MYT1L: variants seen among roughly 807,000 people sequenced by gnomAD.
MYT1L encodes the protein myelin transcription factor 1 like, also known as myelin transcription factor 1-like protein.
A neutral mutation model predicts 126.7 loss-of-function variants in MYT1L; 12 were observed. The observed-to-expected ratio is 0.09, with a 90% CI of 0.06 to 0.15. The LOEUF is 0.15. Among genes scored for constraint, MYT1L ranks in the 10% least tolerant of loss-of-function variants. The probability of loss-of-function intolerance (pLI) is 1.00; values close to 1 mark genes in which losing one functional copy is unlikely to be tolerated. For synonymous variants in MYT1L, 541 were observed against 604.2 expected, an observed-to-expected ratio of 0.90 and a Z score of 1.53; for missense variants, 979 against 1,585.2, an observed-to-expected ratio of 0.62 and a Z score of 6.49.
chr2:2,168,066 C>A (rs2089455730), intron 3 of MYT1L, among the ~76,000 whole-genome samples: 1 of 152,148 alleles, frequency 6.6e-6, no homozygotes, highest in African/African-American at 2.4e-5. Context: ...CTTGCACCTA[C>A]AAACAACCAC....
At chr2:2,194,801 C>G (rs1394590714) in intron 2 of MYT1L, among the ~76,000 whole-genome samples, 2 of 152,170 alleles carry the variant, frequency 1.3e-5, no homozygotes, top group East Asian at 3.8e-4. Flanking sequence ...AAGCCAAGAA[C>G]CAAGTTGATA....
intron 3 of MYT1L, among the ~76,000 whole-genome samples, chr2:2,073,896 T>C (rs1195811342): frequency 6.6e-6 from 1 of 152,168 alleles, no homozygotes; most frequent in Non-Finnish European, 1.5e-5. Flanking sequence ...GCTTCAGCTC[T>C]TGCTTTTCTC....
chr2:1,989,016 A>G (rs1253965892), intron 5 of MYT1L, among the ~76,000 whole-genome samples: 5 of 152,096 alleles, frequency 3.3e-5, no homozygotes, highest in African/African-American at 1.2e-4. Flanking sequence ...TTCTCATAAT[A>G]CCAAATATTA....
At chr2:2,020,182 G>C (rs1019003525) in intron 4 of MYT1L, among the ~76,000 whole-genome samples, 1 of 152,146 alleles carries the variant, frequency 6.6e-6, no homozygotes, top group Non-Finnish European at 1.5e-5. Flanking sequence ...GTCAGGATTG[G>C]TGGGGGCTGT....
intron 2 of MYT1L, among the ~76,000 whole-genome samples, chr2:2,259,749 C>G (rs547037916): frequency 4.6e-5 from 7 of 152,148 alleles, no homozygotes; most frequent in African/African-American, 1.7e-4. Flanking sequence ...GTCATCCCGA[C>G]GGCAGATGGG....
rs2095990856 is a variant in MYT1L, at chr2:2,312,543, G to A, written c.-521+18424C>T. 2.0e-5 allele frequency among the ~76,000 whole-genome samples: 3 copies of A among 152,236 alleles called. No individual in the cohort carries two copies. In the South Asian group the frequency reaches 6.2e-4, roughly 32 times the overall value. The stretch of plus-strand genomic sequence containing the variant: ...TGGGAGGATTACTTGAACGTGGGAG[G>A]AAGAGCTTGCAGTGAGCTGTGATTG... On this transcript the variant is annotated intron_variant, in intron 1 of 24. Coordinates refer to ENST00000647738, the MANE Select transcript of MYT1L (RefSeq NM_001303052.2).
At chr2:2,108,457 T>C (rs899763572) in intron 3 of MYT1L, among the ~76,000 whole-genome samples, 15 of 152,342 alleles carry the variant, frequency 9.8e-5, no homozygotes, top group Middle Eastern at 6.8e-3. Flanking sequence ...GCCATATTTA[T>C]GCAAGTTCTT....
chr2:2,040,123 A>G (rs1478304891), intron 4 of MYT1L, among the ~76,000 whole-genome samples: 1 of 152,202 alleles, frequency 6.6e-6, no homozygotes, highest in Non-Finnish European at 1.5e-5. Context: ...TGTCAGGGCT[A>G]CTATTTCAGT....
chr2:1,818,853 A>G (rs897827729), intron 21 of MYT1L, among the ~76,000 whole-genome samples: 2 of 152,222 alleles, frequency 1.3e-5, no homozygotes, highest in Non-Finnish European at 2.9e-5. Context: ...TCTGTGCCAA[A>G]CAGGGTGCTC....
chr2:2,231,552 A>G (rs752351581), intron 2 of MYT1L, among the ~76,000 whole-genome samples: 3 of 152,022 alleles, frequency 2.0e-5, no homozygotes, highest in Non-Finnish European at 2.9e-5. Context: ...GGCTCAAGCA[A>G]TCCTCCCACC....
chr2:2,027,167 CT>C (rs1007274995), intron 4 of MYT1L, among the ~76,000 whole-genome samples: 8 of 152,178 alleles, frequency 5.3e-5, no homozygotes, highest in Admixed American at 5.2e-4. Context: ...GCAGGTGCAG[CT>C]GCCTCATCTG....
intron 9 of MYT1L, among the ~76,000 whole-genome samples, chr2:1,931,725 C>T (rs901417885): frequency 2.0e-5 from 3 of 152,144 alleles, no homozygotes; most frequent in Admixed American, 6.5e-5. Context: ...TTGAGGAGCT[C>T]GACCTACTTA....
At chr2:1,956,221 C>CTATCTATG (rs1275667108) in intron 8 of MYT1L, among the ~76,000 whole-genome samples, 1 of 133,324 alleles carries the variant, frequency 7.5e-6, no homozygotes, top group East Asian at 2.0e-4. Flanking sequence ...ATCTATCTAT[C>CTATCTATG]TATCTGTCTA....
At chr2:2,287,540 A>G (rs1292179358) in intron 1 of MYT1L, among the ~76,000 whole-genome samples, 1 of 152,210 alleles carries the variant, frequency 6.6e-6, no homozygotes, top group Non-Finnish European at 1.5e-5. Flanking sequence ...TGAAAAAAAT[A>G]TAAATACTGT....
At chr2:2,261,456 C>T (rs991556520) in intron 2 of MYT1L, among the ~76,000 whole-genome samples, 4 of 152,208 alleles carry the variant, frequency 2.6e-5, no homozygotes, top group East Asian at 1.9e-4. Flanking sequence ...AGATAATTAA[C>T]AAACCCCTGG....
At position 1,857,587 on chromosome 2, in the gene MYT1L, T is replaced by C. The variant is rs531649099; in HGVS notation, c.2712-5884A>G. ...GGTAGCTCTATCATGGAGACTTAAG[T>C]AGTAAAACACAAAATATGAAAAAAT... On this transcript the variant is annotated intron_variant, in intron 18 of 24. Transcript: ENST00000647738. Among the ~76,000 whole-genome samples the C allele has an allele frequency of 1.1e-4, 17 of 152,292 alleles. No homozygotes were observed. In the East Asian group the frequency reaches 3.3e-3, roughly 29 times the overall value.
intron 2 of MYT1L, among the ~76,000 whole-genome samples, chr2:2,278,102 A>C (rs1188076780): frequency 6.6e-6 from 1 of 152,248 alleles, no homozygotes; most frequent in Admixed American, 6.5e-5. Flanking sequence ...GCGGAAAGTA[A>C]AAATAAAAGC....
At chr2:1,838,069 A>G (rs2041152104) in intron 21 of MYT1L, among the ~76,000 whole-genome samples, 1 of 151,828 alleles carries the variant, frequency 6.6e-6, no homozygotes, top group Non-Finnish European at 1.5e-5. Flanking sequence ...GTGCACCACC[A>G]CGCCCAGCTA....
intron 8 of MYT1L, among the ~76,000 whole-genome samples, chr2:1,949,508 G>A (rs993969228): frequency 3.9e-5 from 6 of 152,174 alleles, no homozygotes; most frequent in African/African-American, 1.4e-4. Flanking sequence ...TTTGCATCTG[G>A]TTATTCTAGA....
Sources: gnomAD v4.1 joint callset for allele counts (sites outside exome capture counted in the v4.1 genomes callset) on GRCh38, gnomAD v4.1.1 for gene constraint, MANE v1.5 for transcripts, NCBI Gene and HGNC (gene_info 2026-07-23, HGNC 2026-07-21) for gene names.